ZXDC: variants seen among roughly 807,000 people sequenced by gnomAD.
ZXDC encodes the protein zinc finger protein ZXDC.
Under a neutral mutation model 63.6 loss-of-function variants are expected in ZXDC, and 58 were observed. That is an observed-to-expected ratio of 0.91 (90% CI 0.74 to 1.13). ZXDC has a LOEUF of 1.13. Ranked by LOEUF, ZXDC falls within the 50% of genes most tolerant of loss-of-function variation. The pLI, the probability that ZXDC is intolerant of heterozygous loss-of-function variation, is 0.00. For synonymous variants in ZXDC, 561 were observed against 496.1 expected (o/e 1.13, Z -1.74); for missense variants, 1,133 against 1,148.9 (o/e 0.99, Z 0.20).
At chr3:126,443,301 C>A (rs1310433535) in intron 7 of ZXDC, 2 of 152,196 alleles carry the variant, frequency 1.3e-5, no homozygotes, top group East Asian at 3.9e-4. Context: ...CTGTTCTCCA[C>A]GCCTGGTTTC....
chr3:126,458,914 G>A (rs891215837), intron 7 of ZXDC: 9 of 984,524 alleles, frequency 9.1e-6, no homozygotes, highest in Middle Eastern at 5.2e-4. Context: ...ACAGAAAACC[G>A]GCAATTGTTA....
chr3:126,474,079 T>G (rs894652896), intron 1 of ZXDC, among the ~76,000 whole-genome samples: 1 of 151,186 alleles, frequency 6.6e-6, no homozygotes, highest in Non-Finnish European at 1.5e-5. Flanking sequence ...TTTTTTTTTT[T>G]TTTGAGACGG....
At chr3:126,440,025 C>G (rs2107624747) in intron 8 of ZXDC, 5 of 1,242,302 alleles carry the variant, frequency 4.0e-6, no homozygotes, top group Non-Finnish European at 5.0e-6. Flanking sequence ...CTAAGGCACG[C>G]TCCTCAACTC....
chr3:126,439,099 T>A (rs1424846490), intron 9 of ZXDC, among the ~76,000 whole-genome samples: 1 of 152,236 alleles, frequency 6.6e-6, no homozygotes, highest in Non-Finnish European at 1.5e-5. Context: ...TGTCCAAGTT[T>A]GGTTTTGATT....
intron 7 of ZXDC, among the ~76,000 whole-genome samples, chr3:126,446,412 G>A (rs922574001): frequency 3.3e-5 from 5 of 152,152 alleles, no homozygotes; most frequent in African/African-American, 7.2e-5. Flanking sequence ...TCACCTCACC[G>A]TGCCATGACG....
At chr3:126,457,835 C>T (rs1934366331) in intron 7 of ZXDC, among the ~76,000 whole-genome samples, 1 of 152,152 alleles carries the variant, frequency 6.6e-6, no homozygotes, top group Non-Finnish European at 1.5e-5. Flanking sequence ...AGCCCACTCC[C>T]ACCTGCAGCG....
intron 5 of ZXDC, 66 bp from the exon 6 acceptor site, chr3:126,462,286 C>T: frequency 2.0e-6 from 3 of 1,511,236 alleles, no homozygotes; most frequent in Non-Finnish European, 2.6e-6. Context: ...TTTGTTTATG[C>T]CCATGATGTT....
intron 1 of ZXDC, among the ~76,000 whole-genome samples, chr3:126,473,662 C>T (rs537291238): frequency 1.3e-5 from 2 of 152,248 alleles, no homozygotes; most frequent in South Asian, 2.1e-4. Context: ...AAGAGGAATG[C>T]GCAAGACAGT....
intron 6 of ZXDC, chr3:126,460,697 A>G (rs754489948): frequency 9.1e-6 from 9 of 985,314 alleles, no homozygotes; most frequent in Non-Finnish European, 1.1e-5. Context: ...CAAGCAAGAC[A>G]CCAGAAATGC....
intron 5 of ZXDC, among the ~76,000 whole-genome samples, chr3:126,464,747 C>G (rs183169627): frequency 1.3e-5 from 2 of 152,230 alleles, no homozygotes; most frequent in Admixed American, 6.5e-5. Flanking sequence ...TCACAGAGCC[C>G]TCAGAGAAAA....
At chr3:126,469,811 G>A (rs1204116109) in intron 4 of ZXDC, among the ~76,000 whole-genome samples, 1 of 152,220 alleles carries the variant, frequency 6.6e-6, no homozygotes, top group Non-Finnish European at 1.5e-5. Flanking sequence ...TCCCCTGTCT[G>A]CACCTCCAGC....
At chr3:126,467,834 G>A (rs1934833106) in intron 4 of ZXDC, among the ~76,000 whole-genome samples, 1 of 152,154 alleles carries the variant, frequency 6.6e-6, no homozygotes, top group Non-Finnish European at 1.5e-5. Context: ...CAGAGCAGAG[G>A]CTCTGAGCAC....
intron 8 of ZXDC, chr3:126,440,579 T>C (rs1933638619): frequency 2.0e-6 from 2 of 986,210 alleles, no homozygotes; most frequent in Non-Finnish European, 2.4e-6. Flanking sequence ...TGGTCCTGAC[T>C]CTGTACCTCT....
Position 126,461,723 on chromosome 3 carries a change from G to C in ZXDC, c.1939C>G (p.Arg647Gly). ...ITTPTSSSTP[R>G]ENASVPELLA... is the part of the protein sequence containing the mutation. ...AGTTCCGGGACACTGGCATTTTCTC[G>C]GGGGGTGCTCGAAGAGGTCGGTGTG... is the stretch of plus-strand genomic sequence containing the variant. Residue 647 changes from arginine (R) to glycine (G), a missense_variant, in exon 6 of 10, where the codon CGA becomes GGA. Physicochemically the swap from Arg to Gly is moderately radical, Grantham distance 125. Coordinates refer to ENST00000389709, the MANE Select transcript of ZXDC (RefSeq NM_025112.5). 6.2e-7 allele frequency: 1 copy of C among 1,613,898 alleles called. No homozygotes were observed. The highest frequency in any genetic ancestry group is 8.5e-7 in the Non-Finnish European group (1 of 1,179,972).
chr3:126,467,810 C>G (rs957805150), intron 4 of ZXDC, among the ~76,000 whole-genome samples: 5 of 152,112 alleles, frequency 3.3e-5, no homozygotes, highest in Admixed American at 2.6e-4. Flanking sequence ...GCACGGATTT[C>G]TAGAGACAGG....
At chr3:126,463,766 T>C (rs1267910774) in intron 5 of ZXDC, among the ~76,000 whole-genome samples, 5 of 152,234 alleles carry the variant, frequency 3.3e-5, no homozygotes, top group Non-Finnish European at 7.3e-5. Context: ...GCTGTTACTG[T>C]TCCCAAGCTC....
chr3:126,441,558 A>G, intron 8 of ZXDC: 1 of 1,324,684 alleles, frequency 7.5e-7, no homozygotes, highest in South Asian at 2.3e-5. Context: ...TCAGAGCTTG[A>G]GCAGATGCAG....
At chr3:126,447,777 C>T (rs1471967351) in intron 7 of ZXDC, among the ~76,000 whole-genome samples, 2 of 152,252 alleles carry the variant, frequency 1.3e-5, no homozygotes, top group East Asian at 1.9e-4. Context: ...GGACCCTGCA[C>T]GTCTCTTGCG....
chr3:126,472,257 C>T lies in ZXDC; in HGVS notation c.956G>A (p.Arg319Gln). The change falls in exon 2 of 10, where the codon CGA becomes CAA. Residue 319 changes from arginine to glutamine, a missense_variant. Arg to Gln is a conservative substitution (Grantham distance 43). Coordinates refer to ENST00000389709, the MANE Select transcript of ZXDC (RefSeq NM_025112.5). The stretch of plus-strand genomic sequence containing the variant: ...GAGCTCTTGTTCCCTGAAGTGGGCT[C>T]GGTTATGGGAAAACAGGGCACTCAC... ...ITVSALFSHN[R>Q]AHFREQELFS... 6.2e-7 allele frequency: 1 copy of T among 1,612,600 alleles called. No homozygotes were observed. Among genetic ancestry groups the T allele is most frequent in the Non-Finnish European group, 8.5e-7 (1 of 1,178,692 alleles).
Sources: allele counts gnomAD v4.1 joint callset (sites outside exome capture counted in the v4.1 genomes callset), GRCh38; gene constraint gnomAD v4.1.1; transcripts MANE v1.5; gene names NCBI Gene and HGNC (gene_info 2026-07-23, HGNC 2026-07-21).